LDAH: variants seen among roughly 807,000 people sequenced by gnomAD.
The protein encoded by LDAH is lipid droplet associated hydrolase, also known as lipid droplet-associated hydrolase.
LDAH carries 26 observed loss-of-function variants against 29.6 expected under a neutral mutation model. The observed-to-expected ratio is 0.88, with a 90% CI of 0.64 to 1.22. The LOEUF is 1.22. LDAH is among the 50% of genes most tolerant of loss of function. LDAH has a pLI of 0.00. For synonymous variants in LDAH, 117 were observed against 133.0 expected (o/e 0.88, Z 0.83); for missense variants, 344 against 387.3 (o/e 0.89, Z 0.94).
intron 4 of LDAH, among the ~76,000 whole-genome samples, chr2:20,759,731 C>A (rs756645562): frequency 1.3e-5 from 2 of 152,174 alleles, no homozygotes; most frequent in Admixed American, 1.3e-4. Flanking sequence ...CCTGTTATGT[C>A]TTCTCTGATA....
At chr2:20,780,814 G>A (rs531610677) in intron 3 of LDAH, among the ~76,000 whole-genome samples, 5 of 152,150 alleles carry the variant, frequency 3.3e-5, no homozygotes, top group African/African-American at 7.2e-5. Flanking sequence ...ACAGATTTAC[G>A]TGCTTTCATT....
At chr2:20,774,275 C>T (rs139213190) in intron 4 of LDAH, among the ~76,000 whole-genome samples, 6 of 152,292 alleles carry the variant, frequency 3.9e-5, no homozygotes, top group Non-Finnish European at 5.9e-5. Flanking sequence ...TGGTATCCAA[C>T]AAATATTTGC....
intron 5 of LDAH, among the ~76,000 whole-genome samples, chr2:20,713,787 C>T (rs1467224270): frequency 6.6e-6 from 1 of 151,680 alleles, no homozygotes; most frequent in Non-Finnish European, 1.5e-5. Context: ...AGAGACAAGG[C>T]CATTACGTAA....
At chr2:20,708,053 A>G (rs1469603089) in intron 5 of LDAH, among the ~76,000 whole-genome samples, 1 of 152,186 alleles carries the variant, frequency 6.6e-6, no homozygotes, top group African/African-American at 2.4e-5. Context: ...AGCTGCAGGA[A>G]AAGAAGCTCA....
intron 4 of LDAH, among the ~76,000 whole-genome samples, chr2:20,757,927 A>G (rs1433584059): frequency 1.3e-5 from 2 of 152,104 alleles, no homozygotes; most frequent in African/African-American, 4.8e-5. Flanking sequence ...CAATTACATC[A>G]TTGGCTTTCC....
chr2:20,704,900 C>T (rs958935840), intron 5 of LDAH, among the ~76,000 whole-genome samples: 1 of 152,188 alleles, frequency 6.6e-6, no homozygotes, highest in Non-Finnish European at 1.5e-5. Flanking sequence ...CTGTCCCTCC[C>T]CCCACAGAGC....
chr2:20,801,304 G>C lies in LDAH; in HGVS notation c.154+6C>G. The C allele has an allele frequency of 6.2e-7, 1 of 1,610,670 alleles. No individual in the cohort carries two copies. The highest frequency in any genetic ancestry group is 1.7e-5 in the Admixed American group (1 of 59,402). On this transcript the variant is annotated splice_donor_region_variant and intron_variant, in intron 2 of 6. Transcript: ENST00000237822. ...AAAGTCTCCTCACCCAGACTTTTAC[G>C]CTCACCAGGAATAATGAAAATAAGC...
At chr2:20,776,580 T>G (rs377509095) in intron 3 of LDAH, among the ~76,000 whole-genome samples, 21 of 152,262 alleles carry the variant, frequency 1.4e-4, no homozygotes, top group African/African-American at 4.6e-4. Context: ...TTTTCCCAGG[T>G]CAGCTTACAA....
chr2:20,742,420 G>C (rs1186097367), intron 4 of LDAH, among the ~76,000 whole-genome samples: 1 of 152,170 alleles, frequency 6.6e-6, no homozygotes, highest in Non-Finnish European at 1.5e-5. Flanking sequence ...TATGATAGTG[G>C]ATGCATATAT....
In LDAH at chr2:20,740,077, T is replaced by C; in HGVS notation, c.597A>G (p.Lys199=). 6.2e-7 allele frequency: 1 copy of C among 1,614,066 alleles called. No individual in the cohort carries two copies. ...VLYVTGYLLL[K]PCPETIKSLL... The stretch of plus-strand genomic sequence containing the variant: ...AGGACTTGATTGTCTCAGGACACGG[T>C]TTCAATAATAAGTAGCCAGTAACAT... Residue 199 remains lysine, a synonymous_variant, in exon 5 of 7, where the codon AAA becomes AAG. Transcript: ENST00000237822.
intron 4 of LDAH, among the ~76,000 whole-genome samples, chr2:20,742,701 G>A (rs537325438): frequency 1.3e-5 from 2 of 151,806 alleles, no homozygotes; most frequent in East Asian, 3.9e-4. Context: ...TATTTAAAGT[G>A]GGGTTCTTGT....
intron 2 of LDAH, among the ~76,000 whole-genome samples, chr2:20,794,391 T>C (rs1671175293): frequency 6.6e-6 from 1 of 152,098 alleles, no homozygotes; most frequent in African/African-American, 2.4e-5. Flanking sequence ...ACTCATTCTA[T>C]GAGGCCAGCA....
rs370013494 is a variant in LDAH at position 20,712,618 on chromosome 2, A to G, written c.704-10966T>C. Among the ~76,000 whole-genome samples, 227 of 152,104 alleles carry G rather than the reference A, an allele frequency of 1.5e-3. 4 individuals are homozygous for G. The South Asian group carries it at 0.043, about 29-fold the overall frequency. On this transcript the variant is annotated intron_variant, in intron 5 of 6. Coordinates refer to ENST00000237822, the MANE Select transcript of LDAH (RefSeq NM_021925.4). The stretch of plus-strand genomic sequence containing the variant: ...CTAAAGGAGGATGTTCAAACCCATC[A>G]CAAGGAAGCTAAAAACCTTGAAAAA...
intron 5 of LDAH, among the ~76,000 whole-genome samples, chr2:20,703,188 C>T (rs1032395440): frequency 1.3e-5 from 2 of 152,222 alleles, no homozygotes; most frequent in African/African-American, 2.4e-5. Context: ...ATCAAGGTAA[C>T]ACACATACAC....
chr2:20,688,069 C>G (rs182361909), intron 6 of LDAH, among the ~76,000 whole-genome samples: 1 of 152,324 alleles, frequency 6.6e-6, no homozygotes, highest in Admixed American at 6.5e-5. Flanking sequence ...CTTTGTTCAT[C>G]AAATACAAAT....
downstream of LDAH, among the ~76,000 whole-genome samples, chr2:20,682,689 A>G (rs13382862): frequency 0.59 from 90,406 of 152,020 alleles, 27,283 homozygotes; most frequent in Middle Eastern, 0.81. Context: ...CCATTCAGGA[A>G]GGAAGGGCCC....
chr2:20,788,868 TCTCTCA>T, intron 3 of LDAH: 1 of 344,184 alleles, frequency 2.9e-6, no homozygotes. Context: ...AGTTATTTTT[TCTCTCA>T]TTTTTTATTT....
chr2:20,795,887 A>C (rs1671269001), intron 2 of LDAH, among the ~76,000 whole-genome samples: 1 of 151,984 alleles, frequency 6.6e-6, no homozygotes, highest in African/African-American at 2.4e-5. Flanking sequence ...ACAATCCTTG[A>C]AATACTGTTA....
At chr2:20,817,987 A>C (rs187182610) in intron 1 of LDAH, among the ~76,000 whole-genome samples, 1 of 152,284 alleles carries the variant, frequency 6.6e-6, no homozygotes, top group East Asian at 1.9e-4. Context: ...ACTGACTATA[A>C]GGAGGCAGCA....
Sources: allele counts gnomAD v4.1 joint callset (sites outside exome capture counted in the v4.1 genomes callset), GRCh38; gene constraint gnomAD v4.1.1; transcripts MANE v1.5; gene names NCBI Gene and HGNC (gene_info 2026-07-23, HGNC 2026-07-21).